LARP1B: variants seen among roughly 807,000 people sequenced by gnomAD.
The protein encoded by LARP1B is la-related protein 1B.
Under a neutral mutation model 114.2 loss-of-function variants are expected in LARP1B, and 76 were observed. The observed-to-expected ratio is 0.67, with a 90% CI of 0.55 to 0.81. The LOEUF is 0.81. Ranked by LOEUF, LARP1B falls within the 30% of genes least tolerant of loss-of-function variation. The pLI is 0.00. For missense variants in LARP1B, 1,014 were observed against 1,075.8 expected, an observed-to-expected ratio of 0.94 and a Z score of 0.80; for synonymous variants, 345 against 348.0, an observed-to-expected ratio of 0.99 and a Z score of 0.10.
chr4:128,144,822 A>G (rs1413538122), intron 11 of LARP1B, among the ~76,000 whole-genome samples: 1 of 152,090 alleles, frequency 6.6e-6, no homozygotes, highest in Middle Eastern at 3.4e-3. Flanking sequence ...CTATCTATTC[A>G]CTTATTAAGA....
intron 15 of LARP1B, among the ~76,000 whole-genome samples, chr4:128,188,250 T>C (rs1318849586): frequency 1.3e-5 from 2 of 152,062 alleles, no homozygotes. Context: ...AATTTTTGTA[T>C]TTTTAGTAGA....
chr4:128,176,168 TA>T (rs1435119767), intron 12 of LARP1B, among the ~76,000 whole-genome samples: 5 of 134,788 alleles, frequency 3.7e-5, no homozygotes, highest in African/African-American at 7.7e-5. Flanking sequence ...TAAATATATA[TA>T]TTATATATAA....
chr4:128,093,697 G>GT (rs910544412), intron 7 of LARP1B, among the ~76,000 whole-genome samples: 2 of 143,192 alleles, frequency 1.4e-5, no homozygotes, highest in African/African-American at 2.6e-5. Context: ...TGGTTGAGGG[G>GT]TTTTTTTTAA....
chr4:128,146,857 G>C (rs558342882), intron 11 of LARP1B, among the ~76,000 whole-genome samples: 1 of 152,322 alleles, frequency 6.6e-6, no homozygotes, highest in Non-Finnish European at 1.5e-5. Flanking sequence ...AAGCATCCTA[G>C]AGAAGCCTAG....
intron 11 of LARP1B, among the ~76,000 whole-genome samples, chr4:128,137,342 T>TTCTTCTCCAATTG (rs1725801063): frequency 6.6e-6 from 1 of 152,204 alleles, no homozygotes; most frequent in African/African-American, 2.4e-5. Context: ...GTATATTTGG[T>TTCTTCTCCAATTG]TCTTCTCCAA....
chr4:128,062,167 G>A (rs1760394738), intron 1 of LARP1B: 2 of 985,268 alleles, frequency 2.0e-6, no homozygotes, highest in Admixed American at 6.2e-5. Context: ...CCCAGCACCT[G>A]TCCCCAGACA....
chr4:128,108,056 G>C, intron 9 of LARP1B: 1 of 1,466,382 alleles, frequency 6.8e-7, no homozygotes, highest in Non-Finnish European at 9.0e-7. Flanking sequence ...GGTGGAGGAA[G>C]TTGGGCCAAC....
At chr4:128,082,023 A>C (rs1163431040) in intron 4 of LARP1B, 142 bp from the exon 5 acceptor site, 4 of 799,788 alleles carry the variant, frequency 5.0e-6, no homozygotes, top group African/African-American at 3.5e-5. Flanking sequence ...GGCATGAGCC[A>C]CCGTGTCTGG....
At chr4:128,108,645 T>TAAA (rs1245565601) in intron 9 of LARP1B, 16 of 985,182 alleles carry the variant, frequency 1.6e-5, no homozygotes, top group Non-Finnish European at 1.9e-5. Flanking sequence ...TGACATTATT[T>TAAA]TAGCTAGTGG....
chr4:128,126,504 G>A (rs1789673588), intron 11 of LARP1B, among the ~76,000 whole-genome samples: 3 of 152,192 alleles, frequency 2.0e-5, no homozygotes, highest in African/African-American at 7.2e-5. Flanking sequence ...ATAAAAATAT[G>A]TGTAGAGAAG....
intron 12 of LARP1B, among the ~76,000 whole-genome samples, chr4:128,174,342 A>C (rs1036738845): frequency 2.0e-5 from 3 of 151,996 alleles, no homozygotes; most frequent in Non-Finnish European, 4.4e-5. Context: ...TTCCTAATAT[A>C]TTTCCAATAA....
chr4:128,083,664 T>C (rs193061862), intron 5 of LARP1B, among the ~76,000 whole-genome samples: 80,749 of 119,842 alleles, frequency 0.67, 27,139 homozygotes, highest in Middle Eastern at 0.83. Flanking sequence ...GCTGGCCAGG[T>C]GGGGGGGCTG....
chr4:128,108,219 A>C, intron 9 of LARP1B: 1 of 1,175,268 alleles, frequency 8.5e-7, no homozygotes, highest in Non-Finnish European at 1.1e-6. Context: ...TTATTCTGGA[A>C]ATACCGCAAG....
intron 8 of LARP1B, among the ~76,000 whole-genome samples, chr4:128,098,768 T>TATATATATATATATATGTA (rs58280279): frequency 5.3e-5 from 1 of 18,898 alleles, no homozygotes; most frequent in African/African-American, 2.1e-4. Context: ...TATATATATA[T>TATATATATATATATATGTA]TTTTTTTTTT....
chr4:128,107,395 T>C, intron 9 of LARP1B, 82 bp downstream of exon 9: 1 of 1,537,594 alleles, frequency 6.5e-7, no homozygotes. Context: ...TATTTTCAGT[T>C]TATTTAGATT....
chr4:128,176,110 A>T (rs534716302), intron 12 of LARP1B, among the ~76,000 whole-genome samples: 227 of 144,998 alleles, frequency 1.6e-3, no homozygotes, highest in Middle Eastern at 3.6e-3. Context: ...ATATATACAC[A>T]CATATATATA....
intron 6 of LARP1B, 81 bp downstream of exon 6, chr4:128,091,225 A>ATATG (rs1775806153): frequency 1.9e-5 from 29 of 1,552,888 alleles, no homozygotes; most frequent in Non-Finnish European, 2.5e-5. Context: ...GTTTTAACTA[A>ATATG]TTTTCTTTGT....
chr4:128,098,786 T>A lies in LARP1B; in HGVS notation c.813+456T>A, dbSNP rs1351123623. Reference sequence around the variant, plus strand: ...ATATATATTTTTTTTTTTTTTTTTTTTTTTTTTTTAAGACAGTGTCTCACT... The same window carrying A: ...ATATATATTTTTTTTTTTTTTTTTTATTTTTTTTTAAGACAGTGTCTCACT... On this transcript the variant is annotated intron_variant, in intron 8 of 19. Coordinates refer to ENST00000326639, the MANE Select transcript of LARP1B (RefSeq NM_018078.4). Among the ~76,000 whole-genome samples, 10 of 99,736 alleles carry A rather than the reference T, an allele frequency of 1.0e-4. 1 individual carries two copies. Among genetic ancestry groups the A allele is most frequent in the African/African-American group, 3.5e-4 (10 of 28,420 alleles). 65.4% of individuals were successfully genotyped at this position (99,736 alleles called of 152,430 possible).
chr4:128,075,576 C>G (rs1333657906), intron 3 of LARP1B, among the ~76,000 whole-genome samples: 1 of 145,042 alleles, frequency 6.9e-6, no homozygotes, highest in Non-Finnish European at 1.5e-5. Flanking sequence ...GAGATAGGGT[C>G]TCACTCCATT....
Sources: gnomAD v4.1 joint callset for allele counts (sites outside exome capture counted in the v4.1 genomes callset) on GRCh38, gnomAD v4.1.1 for gene constraint, MANE v1.5 for transcripts, NCBI Gene and HGNC (gene_info 2026-07-23, HGNC 2026-07-21) for gene names.